Variants in KIF1B observed in about 807,000 individuals in gnomAD.
The protein encoded by KIF1B is kinesin family member 1B.
Under a neutral mutation model 241.9 loss-of-function variants are expected in KIF1B, and 76 were observed. That is an observed-to-expected ratio of 0.31 (90% CI 0.26 to 0.38). KIF1B has a LOEUF of 0.38. KIF1B is among the 10% of genes least tolerant of loss of function. KIF1B has a pLI of 1.00. For missense variants in KIF1B, 1,622 were observed against 2,271.4 expected (o/e 0.71, Z 5.81); for synonymous variants, 750 against 796.7 (o/e 0.94, Z 0.99).
At chr1:10,318,391 C>T (rs2102291963) in intron 22 of KIF1B, among the ~76,000 whole-genome samples, 1 of 151,576 alleles carries the variant, frequency 6.6e-6, no homozygotes, top group African/African-American at 2.4e-5. Context: ...TACCCTTTGT[C>T]TCATGACAGC....
intron 17 of KIF1B, among the ~76,000 whole-genome samples, chr1:10,293,788 T>C (rs1650126485): frequency 6.6e-6 from 1 of 152,230 alleles, no homozygotes; most frequent in South Asian, 2.1e-4. Context: ...TGCATGGAAT[T>C]CCAAAGTGAG....
At chr1:10,229,867 C>CAAAAAAA (rs58923572) in intron 1 of KIF1B, among the ~76,000 whole-genome samples, 46 of 56,462 alleles carry the variant, frequency 8.1e-4, no homozygotes, top group African/African-American at 2.0e-3. Context: ...GACTCCGTCT[C>CAAAAAAA]AAAAAAAAAA....
chr1:10,374,987 A>G lies in KIF1B; in HGVS notation c.5230A>G (p.Ile1744Val). ...TGACAAAGACCCTGTGGAGCGTGGA[A>G]TCATTAACCTGTCCACAGCACAGGT... The part of the protein sequence containing the change: ...NSDKDPVERG[I>V]INLSTAQVEY... Residue 1744 changes from isoleucine (I) to valine (V), a missense_variant, in exon 47 of 49, where the codon ATC (isoleucine) becomes GTC (valine). This residue lies in a region of KIF1B where 357 missense variants were observed against 409.0 expected (regional missense o/e 0.87). Transcript: ENST00000676179. This position sits in a 1 kb window ranked among gnomAD's most constrained non-coding sequence, Gnocchi z 4.3. 1 of 1,614,122 alleles carries G rather than the reference A, an allele frequency of 6.2e-7. No homozygotes were observed. The highest frequency in any genetic ancestry group is 8.5e-7 in the Non-Finnish European group (1 of 1,180,006).
Position 10,303,902 on chromosome 1 carries a change from A to G in KIF1B, c.2115+6656A>G, listed in dbSNP as rs1435041681. ...CTTGCAAAAGAAGAACGTGTTTCCC[A>G]GCTGATGAATGGGGATCCAGCTTTT... On this transcript the variant is annotated intron_variant, in intron 22 of 48. Transcript: ENST00000676179. This position sits in a 1 kb window ranked among gnomAD's most constrained non-coding sequence, Gnocchi z 5.2. The G allele has an allele frequency of 6.2e-7, 1 of 1,614,128 alleles. No homozygotes were observed. Among genetic ancestry groups the G allele is most frequent in the Non-Finnish European group, 8.5e-7 (1 of 1,180,054 alleles).
Position 10,374,988 on chromosome 1 carries a change from T to C in KIF1B, c.5231T>C (p.Ile1744Thr), listed in dbSNP as rs757828399. ...NSDKDPVERG[I>T]INLSTAQVEY... ...GACAAAGACCCTGTGGAGCGTGGAATCATTAACCTGTCCACAGCACAGGTG... is the reference window on the plus strand; with the variant it reads ...GACAAAGACCCTGTGGAGCGTGGAACCATTAACCTGTCCACAGCACAGGTG... The change falls in exon 47 of 49, where the codon ATC becomes ACC. Residue 1744 changes from isoleucine (I) to threonine (T), a missense_variant. Physicochemically the swap from Ile to Thr is moderately conservative, Grantham distance 89. Around this residue, in one of 7 missense-constraint regions of KIF1B, gnomAD observed 357 missense variants for 409.0 expected, o/e 0.87. Coordinates refer to ENST00000676179, the MANE Select transcript of KIF1B (RefSeq NM_001365951.3). The surrounding 1 kb of genome is among the most constrained non-coding windows in gnomAD (Gnocchi z 4.3). The C allele has an allele frequency of 6.8e-6, 11 of 1,614,150 alleles. No individual in the cohort carries two copies. The highest frequency in any genetic ancestry group is 9.3e-6 in the Non-Finnish European group (11 of 1,180,024).
Position 10,324,769 on chromosome 1 carries a change from A to G in KIF1B, c.2549A>G (p.Asp850Gly), listed in dbSNP as rs758957827. The G allele has an allele frequency of 6.2e-7, 1 of 1,613,860 alleles. No individual in the cohort carries two copies. Among genetic ancestry groups the G allele is most frequent in the Admixed American group, 1.7e-5 (1 of 59,996 alleles). ...TGTTTACTAAATAGGCAGAGGCTGG[A>G]TTTGATGCGAGAGATGTATGATAGG... ...WSLEKLKQRL[D>G]LMREMYDRAG... The change falls in exon 26 of 49, where the codon GAT (aspartate) becomes GGT (glycine). Residue 850 changes from aspartate (D) to glycine (G), a missense_variant. Asp to Gly is a moderately conservative substitution (Grantham distance 94, BLOSUM62 -1). Transcript: ENST00000676179.
rs375956330 is a variant in KIF1B at position 10,321,901 on chromosome 1, C to G, written c.2358+44C>G. 104 of 1,611,122 alleles carry G rather than the reference C, an allele frequency of 6.5e-5. No individual in the cohort carries two copies. In the African/African-American group the frequency reaches 1.1e-3, roughly 17 times the overall value. ...CAGGAGAGCTGGAGGCAAAGCCGAGCCTGCTGTGGGTGCATCTGGGTTCTC... is the reference window on the plus strand; with the variant it reads ...CAGGAGAGCTGGAGGCAAAGCCGAGGCTGCTGTGGGTGCATCTGGGTTCTC... On this transcript the variant is annotated intron_variant, in intron 24 of 48. Coordinates refer to ENST00000676179, the MANE Select transcript of KIF1B (RefSeq NM_001365951.3).
rs1638820212 is a variant in KIF1B at position 10,374,172 on chromosome 1, T to C, written c.4947-144T>C. 1 of 822,838 alleles carries C rather than the reference T, an allele frequency of 1.2e-6. No individual in the cohort carries two copies. Among genetic ancestry groups the C allele is most frequent in the South Asian group, 1.4e-5 (1 of 69,190 alleles). 51.0% of individuals were successfully genotyped at this position (822,838 alleles called of 1,614,324 possible). On this transcript the variant is annotated intron_variant, in intron 45 of 48. Transcript: ENST00000676179. The surrounding 1 kb of genome is among the most constrained non-coding windows in gnomAD (Gnocchi z 4.3). ...AACTTTCTGAAGCCAGCTTGTCTCC[T>C]CAGCTGAGCTCTCTGCAACTCAAGT...
chr1:10,258,884 TC>T (rs1647950002), intron 4 of KIF1B, among the ~76,000 whole-genome samples: 1 of 152,194 alleles, frequency 6.6e-6, no homozygotes, highest in Admixed American at 6.5e-5. Flanking sequence ...GGTGGGAAAG[TC>T]AGTGTTTTGT....
chr1:10,374,544 T>G lies in KIF1B; in HGVS notation c.5096+79T>G. On this transcript the variant is annotated intron_variant, in intron 46 of 48. Transcript: ENST00000676179. The surrounding 1 kb of genome is among the most constrained non-coding windows in gnomAD (Gnocchi z 4.3). Reference sequence around the variant, plus strand: ...GAAGTGACTGGCCAGCTCTTCCCTGTGAGGTCTGTACTGTAGTCTGATGCA... The same window carrying G: ...GAAGTGACTGGCCAGCTCTTCCCTGGGAGGTCTGTACTGTAGTCTGATGCA... The G allele has an allele frequency of 6.7e-7, 1 of 1,487,658 alleles. No individual in the cohort carries two copies. Among genetic ancestry groups the G allele is most frequent in the Admixed American group, 1.7e-5 (1 of 59,858 alleles). 92.2% of individuals were successfully genotyped at this position (1,487,658 alleles called of 1,614,324 possible).
At chr1:10,216,952 A>ATTTT in intron 1 of KIF1B, among the ~76,000 whole-genome samples, 1 of 73,804 alleles carries the variant, frequency 1.4e-5, no homozygotes, top group Non-Finnish European at 2.6e-5. Flanking sequence ...GTACTTGCCC[A>ATTTT]TTTTCTTTTT....
At chr1:10,321,630 A>G in intron 23 of KIF1B, 79 bp from the exon 24 acceptor site, 4 of 1,467,924 alleles carry the variant, frequency 2.7e-6, no homozygotes, top group Non-Finnish European at 1.9e-6. Context: ...ACCTTGGTAA[A>G]AGAGATAAGC....
chr1:10,257,474 C>CAA (rs781756435), intron 3 of KIF1B, among the ~76,000 whole-genome samples: 9 of 109,160 alleles, frequency 8.2e-5, no homozygotes, highest in Admixed American at 3.0e-4. Flanking sequence ...GACTGTGTCT[C>CAA]AAAAAAAAAA....
chr1:10,333,351 CAA>C (rs1652030797), intron 27 of KIF1B, among the ~76,000 whole-genome samples: 1 of 149,612 alleles, frequency 6.7e-6, no homozygotes, highest in African/African-American at 2.5e-5. Flanking sequence ...GCCTGGGCAA[CAA>C]GAGTGAAACT....
intron 1 of KIF1B, among the ~76,000 whole-genome samples, chr1:10,231,324 C>T (rs1646979371): frequency 6.7e-6 from 1 of 150,166 alleles, no homozygotes; most frequent in Non-Finnish European, 1.5e-5. Context: ...AATATATATA[C>T]ATCATGTAAC....
chr1:10,282,046 C>A (rs944877738), intron 14 of KIF1B, among the ~76,000 whole-genome samples: 2 of 152,154 alleles, frequency 1.3e-5, no homozygotes, highest in African/African-American at 2.4e-5. Context: ...TCTGGTTTAT[C>A]CCCCTGCGAG....
At chr1:10,244,722 C>A (rs1647184285) in intron 2 of KIF1B, among the ~76,000 whole-genome samples, 1 of 151,822 alleles carries the variant, frequency 6.6e-6, no homozygotes, top group South Asian at 2.1e-4. Context: ...ACGCCATTCT[C>A]CTGCCTCGGC....
intron 1 of KIF1B, chr1:10,231,035 A>T (rs939981981): frequency 6.6e-6 from 1 of 151,368 alleles, no homozygotes; most frequent in Non-Finnish European, 1.5e-5. Flanking sequence ...ACATGGTGAA[A>T]CCCCGTCTCT....
intron 23 of KIF1B, among the ~76,000 whole-genome samples, chr1:10,321,175 C>G (rs1214525579): frequency 6.6e-6 from 1 of 151,286 alleles, no homozygotes; most frequent in Non-Finnish European, 1.5e-5. Context: ...GCAGTCTTGG[C>G]TCACTGCAAC....
Sources: allele counts gnomAD v4.1 joint callset (sites outside exome capture counted in the v4.1 genomes callset), GRCh38; gene constraint gnomAD v4.1.1; regional missense constraint gnomAD v4.1.1; non-coding constraint Gnocchi (gnomAD v3.1); transcripts MANE v1.5; gene names NCBI Gene and HGNC (gene_info 2026-07-23, HGNC 2026-07-21).